Variants in G3BP2 observed in about 807,000 individuals in gnomAD.
G3BP2 encodes G3BP stress granule assembly factor 2, also known as ras GTPase-activating protein-binding protein 2.
In G3BP2, 11 loss-of-function variants were observed where a neutral mutation model predicts 56.7. The observed-to-expected ratio is 0.19, with a 90% CI of 0.12 to 0.32. The LOEUF is 0.32. Ranked by LOEUF, G3BP2 falls within the 10% of genes least tolerant of loss-of-function variation. G3BP2 has a pLI of 1.00. For synonymous variants in G3BP2, 165 were observed against 191.6 expected, an observed-to-expected ratio of 0.86 and a Z score of 1.15; for missense variants, 340 against 610.9, an observed-to-expected ratio of 0.56 and a Z score of 4.67.
intron 2 of G3BP2, among the ~76,000 whole-genome samples, chr4:75,660,318 G>T (rs1732444945): frequency 6.6e-6 from 1 of 152,108 alleles, no homozygotes; most frequent in Non-Finnish European, 1.5e-5. Flanking sequence ...TACAATTAGA[G>T]AATGACATGC....
chr4:75,665,509 G>A (rs529447107), intron 1 of G3BP2, among the ~76,000 whole-genome samples: 5 of 152,238 alleles, frequency 3.3e-5, no homozygotes, highest in South Asian at 2.1e-4. Context: ...ACTTTGGGAC[G>A]TCGAAGTGGG....
chr4:75,677,343 TG>T (rs559279124), upstream of G3BP2, among the ~76,000 whole-genome samples: 860 of 151,708 alleles, frequency 5.7e-3, 11 homozygotes, highest in African/African-American at 0.019. Flanking sequence ...GAGGCCCAGG[TG>T]GGTGGATCAC....
chr4:75,705,233 G>A (rs899510962), intron 3 of G3BP2, among the ~76,000 whole-genome samples: 6 of 152,224 alleles, frequency 3.9e-5, no homozygotes, highest in Middle Eastern at 3.4e-3. Flanking sequence ...CCCAGCATTC[G>A]GGTTCCTCAG....
At chr4:75,686,413 G>A (rs1366802159) in intron 3 of G3BP2, among the ~76,000 whole-genome samples, 8 of 152,126 alleles carry the variant, frequency 5.3e-5, no homozygotes, top group Admixed American at 5.2e-4. Flanking sequence ...GGGAAATAAT[G>A]TCAAACTACA....
intron 1 of G3BP2, among the ~76,000 whole-genome samples, chr4:75,668,742 A>G (rs936410522): frequency 1.3e-5 from 2 of 152,194 alleles, no homozygotes; most frequent in Non-Finnish European, 2.9e-5. Flanking sequence ...CCTATCTGCA[A>G]TGATTGAAAC....
intron 3 of G3BP2, among the ~76,000 whole-genome samples, chr4:75,684,019 T>C (rs972680032): frequency 2.0e-5 from 3 of 152,122 alleles, no homozygotes; most frequent in South Asian, 4.1e-4. Flanking sequence ...CAAGAGACTT[T>C]CAATGAGTAA....
intron 2 of G3BP2, among the ~76,000 whole-genome samples, chr4:75,660,061 T>C (rs1286685168): frequency 1.3e-5 from 2 of 152,162 alleles, no homozygotes; most frequent in Non-Finnish European, 2.9e-5. Flanking sequence ...AGTGGAAAAT[T>C]ATAACAACCT....
rs1258872222 is a variant in G3BP2, at chr4:75,643,501, C to T, written c.*1929G>A. The T allele has an allele frequency of 1.3e-5, 2 of 150,850 alleles. No homozygotes were observed. The highest frequency in any genetic ancestry group is 4.9e-5 in the African/African-American group (2 of 40,960). 9.3% of individuals were successfully genotyped at this position (150,850 alleles called of 1,614,324 possible). On this transcript the variant is annotated 3_prime_UTR_variant, in exon 12 of 12. Transcript: ENST00000359707. ...ACAGAAAAAAAAAAAATCCTTAAGC[C>T]CCCCAAAAATGGAAACTATGAAAAT...
At chr4:75,721,242 C>T (rs1720165073) in intron 2 of G3BP2, among the ~76,000 whole-genome samples, 1 of 149,858 alleles carries the variant, frequency 6.7e-6, no homozygotes, top group Admixed American at 6.7e-5. Flanking sequence ...CGCCCAGCCT[C>T]AACTAGTCTT....
In G3BP2 at chr4:75,658,876, A is replaced by G. The variant is rs777375431; in HGVS notation, c.144T>C (p.Ser48=). 1.9e-6 allele frequency: 3 copies of G among 1,612,872 alleles called. No individual in the cohort carries two copies. The highest frequency in any genetic ancestry group is 2.5e-6 in the Non-Finnish European group (3 of 1,178,800). The change falls in exon 3 of 12, where the codon AGT becomes AGC. Residue 48 remains serine (S), a synonymous_variant. Transcript: ENST00000359707. Reference sequence around the variant, plus strand: ...CATAAACAGCTTCCTGGGGCTTTCCACTAGCATCTACTCCACCATGAACAT... The same window carrying G: ...CATAAACAGCTTCCTGGGGCTTTCCGCTAGCATCTACTCCACCATGAACAT... ...SSYVHGGVDA[S]GKPQEAVYGQ...
At chr4:75,723,671 C>T (rs1201119822) in intron 1 of G3BP2, among the ~76,000 whole-genome samples, 1 of 152,110 alleles carries the variant, frequency 6.6e-6, no homozygotes, top group African/African-American at 2.4e-5. Flanking sequence ...AGCATATTGA[C>T]TTTTTTTCTT....
At chr4:75,723,899 T>TA (rs201266709) in intron 1 of G3BP2, among the ~76,000 whole-genome samples, 52,283 of 145,728 alleles carry the variant, frequency 0.36, 10,705 homozygotes, top group African/African-American at 0.59. Flanking sequence ...TTTTTCATGT[T>TA]AAAAAAAAAA....
At chr4:75,665,255 A>G (rs532727467) in intron 1 of G3BP2, among the ~76,000 whole-genome samples, 5 of 151,922 alleles carry the variant, frequency 3.3e-5, no homozygotes, top group Non-Finnish European at 5.9e-5. Flanking sequence ...TCCTTCTTAA[A>G]CTCTCAAACT....
intron 3 of G3BP2, among the ~76,000 whole-genome samples, chr4:75,682,434 A>T (rs1734117523): frequency 1.3e-5 from 2 of 148,884 alleles, no homozygotes; most frequent in Admixed American, 6.7e-5. Flanking sequence ...AAAAAAAAAA[A>T]TTATGAACTT....
At chr4:75,690,928 C>A (rs1289656385) in intron 3 of G3BP2, among the ~76,000 whole-genome samples, 2 of 151,998 alleles carry the variant, frequency 1.3e-5, no homozygotes, top group African/African-American at 2.4e-5. Context: ...AGTATAAAAA[C>A]CATTGAACTG....
chr4:75,687,777 G>C (rs569186423), intron 3 of G3BP2, among the ~76,000 whole-genome samples: 1 of 152,268 alleles, frequency 6.6e-6, no homozygotes, highest in East Asian at 1.9e-4. Context: ...CTGAGCTAGG[G>C]AATCCAGGAG....
intron 2 of G3BP2, among the ~76,000 whole-genome samples, chr4:75,659,877 G>A (rs982125844): frequency 6.6e-6 from 1 of 152,102 alleles, no homozygotes; most frequent in African/African-American, 2.4e-5. Flanking sequence ...ATGTACTACT[G>A]GCAATGTTTT....
Position 75,659,165 on chromosome 4 carries a change from A to G in G3BP2, c.96-241T>C, listed in dbSNP as rs151277509. Among the ~76,000 whole-genome samples, 554 of 152,364 alleles carry G rather than the reference A, an allele frequency of 3.6e-3. 2 individuals are homozygous for G. The highest frequency in any genetic ancestry group is 5.6e-3 in the Non-Finnish European group (381 of 68,022). On this transcript the variant is annotated intron_variant, in intron 2 of 11. Transcript: ENST00000359707. ...CTAATGCACATAGAATGCTTAGTTTATCTGGCACAGTAAGTAGACAATCAT... is the reference window on the plus strand; with the variant it reads ...CTAATGCACATAGAATGCTTAGTTTGTCTGGCACAGTAAGTAGACAATCAT...
chr4:75,720,973 CAA>C (rs143804378), intron 2 of G3BP2, among the ~76,000 whole-genome samples: 5 of 69,570 alleles, frequency 7.2e-5, no homozygotes, highest in Non-Finnish European at 1.2e-4. Flanking sequence ...TTCATCTCTA[CAA>C]AAAAAAAAAA....
Sources: allele counts gnomAD v4.1 joint callset (sites outside exome capture counted in the v4.1 genomes callset), GRCh38; gene constraint gnomAD v4.1.1; transcripts MANE v1.5; gene names NCBI Gene and HGNC (gene_info 2026-07-23, HGNC 2026-07-21).